Variants in PTPRK observed in about 807,000 individuals in gnomAD.
The protein encoded by PTPRK is protein tyrosine phosphatase receptor type K, also known as receptor-type tyrosine-protein phosphatase kappa.
PTPRK carries 75 observed loss-of-function variants against 178.0 expected under a neutral mutation model. That is an observed-to-expected ratio of 0.42 (90% CI 0.35 to 0.51). PTPRK has a LOEUF of 0.51. PTPRK is among the 20% of genes least tolerant of loss of function. The pLI, the probability that PTPRK is intolerant of heterozygous loss-of-function variation, is 0.02. For missense variants in PTPRK, 1,441 were observed against 1,797.8 expected (o/e 0.80, Z 3.59); for synonymous variants, 637 against 620.6 (o/e 1.03, Z -0.39).
chr6:128,330,873 CA>C lies in PTPRK; in HGVS notation c.224-8564del, dbSNP rs869100558. 1.6e-3 allele frequency among the ~76,000 whole-genome samples: 229 copies of C among 145,018 alleles called. 1 individual carries two copies. Among genetic ancestry groups the C allele is most frequent in the Non-Finnish European group, 1.5e-4 (10 of 66,522 alleles). ...TGAAAAACAAAAACAAAAACAAAAA[CA>C]AAAACAAAAACAAAACAAAACAAAA... On this transcript the variant is annotated intron_variant, in intron 2 of 29. Transcript: ENST00000368226.
intron 3 of PTPRK, among the ~76,000 whole-genome samples, chr6:128,307,559 G>A (rs75249299): frequency 0.013 from 1,904 of 151,178 alleles, 40 homozygotes; most frequent in African/African-American, 0.044. Context: ...GCCAAGACAA[G>A]CATGTATTAT....
At chr6:128,323,174 CAT>C (rs1829065740) in intron 2 of PTPRK, among the ~76,000 whole-genome samples, 1 of 152,076 alleles carries the variant, frequency 6.6e-6, no homozygotes, top group Admixed American at 6.6e-5. Flanking sequence ...TCATAGCTCA[CAT>C]ATAGACTTTC....
At chr6:128,344,208 T>G (rs1234367070) in intron 2 of PTPRK, among the ~76,000 whole-genome samples, 1 of 152,160 alleles carries the variant, frequency 6.6e-6, no homozygotes, top group East Asian at 1.9e-4. Context: ...AATGGGTAAA[T>G]GACTATATCC....
intron 13 of PTPRK, among the ~76,000 whole-genome samples, chr6:128,051,392 C>A (rs1467570109): frequency 6.6e-6 from 1 of 152,166 alleles, no homozygotes; most frequent in African/African-American, 2.4e-5. Context: ...ATGCTAAAGT[C>A]TTGCTTCTAT....
chr6:128,100,797 G>A (rs962301406), intron 7 of PTPRK, among the ~76,000 whole-genome samples: 9 of 151,866 alleles, frequency 5.9e-5, no homozygotes, highest in African/African-American at 1.9e-4. Flanking sequence ...GAACTGGCTC[G>A]AGCCAGTCTA....
chr6:128,368,405 C>G (rs1835819439), intron 2 of PTPRK, among the ~76,000 whole-genome samples: 2 of 151,516 alleles, frequency 1.3e-5, no homozygotes, highest in South Asian at 4.2e-4. Context: ...AAAAAAACGT[C>G]AAAGTGCAGA....
intron 2 of PTPRK, among the ~76,000 whole-genome samples, chr6:128,322,874 G>T (rs773747644): frequency 1.7e-4 from 26 of 151,944 alleles, no homozygotes; most frequent in Non-Finnish European, 3.5e-4. Context: ...TACTAACTTT[G>T]AACCTCAGTT....
chr6:128,429,864 GAGATATATTTGTATAATC>G (rs1490085792), intron 1 of PTPRK, among the ~76,000 whole-genome samples: 1 of 152,096 alleles, frequency 6.6e-6, no homozygotes, highest in Non-Finnish European at 1.5e-5. Context: ...CAACCATAAT[GAGATATATTTGTATAATC>G]ATCAATGCAA....
In PTPRK at chr6:128,311,260, G is replaced by T. The variant is rs542524059; in HGVS notation, c.495+10779C>A. Among the ~76,000 whole-genome samples the T allele has an allele frequency of 2.6e-5, 4 of 152,222 alleles. No homozygotes were observed. The South Asian group carries it at 8.3e-4, about 32-fold the overall frequency. ...CATAGGTCTAGTTCAGACCGATGGG[G>T]CTTGAATCGTACAGTGTGTGGATGT... On this transcript the variant is annotated intron_variant, in intron 3 of 29. Transcript: ENST00000368226.
At chr6:128,390,879 A>G (rs991562504) in intron 2 of PTPRK, among the ~76,000 whole-genome samples, 2 of 152,154 alleles carry the variant, frequency 1.3e-5, no homozygotes, top group African/African-American at 4.8e-5. Flanking sequence ...AATAGTAGTA[A>G]GTACTTTCAT....
At chr6:128,036,976 C>G (rs1338065413) in intron 13 of PTPRK, among the ~76,000 whole-genome samples, 3 of 152,158 alleles carry the variant, frequency 2.0e-5, no homozygotes, top group Admixed American at 6.5e-5. Context: ...AGGTGATTTG[C>G]CTGCCTTGGC....
chr6:128,355,838 T>C (rs897992678), intron 2 of PTPRK, among the ~76,000 whole-genome samples: 6 of 152,162 alleles, frequency 3.9e-5, no homozygotes, highest in African/African-American at 1.4e-4. Context: ...AAAGAAATTC[T>C]TTACCAAAGT....
In PTPRK at chr6:127,998,861, G is replaced by T; in HGVS notation, c.2538C>A (p.Asp846Glu). 2 of 1,597,354 alleles carry T rather than the reference G, an allele frequency of 1.3e-6. No individual in the cohort carries two copies. Among genetic ancestry groups the T allele is most frequent in the Non-Finnish European group, 1.7e-6 (2 of 1,169,642 alleles). Residue 846 changes from aspartate to glutamate, a missense_variant, in exon 16 of 30, where the codon GAC becomes GAA. This residue lies in a region of PTPRK where 945 missense variants were observed against 1,080.6 expected (regional missense o/e 0.87). Transcript: ENST00000368226. Reference sequence around the variant, plus strand: ...TCCCCTCACAGAGGTAGCGAGGTACGTCTAGAAGGCGACTGGACTCTGCTG... The same window carrying T: ...TCCCCTCACAGAGGTAGCGAGGTACTTCTAGAAGGCGACTGGACTCTGCTG... ...SATAESSRLL[D>E]VPRYLCEGTE...
intron 2 of PTPRK, among the ~76,000 whole-genome samples, chr6:128,346,510 A>G (rs1463071482): frequency 6.6e-6 from 1 of 152,162 alleles, no homozygotes. Flanking sequence ...AATATTTTAT[A>G]TATTACATGA....
intron 13 of PTPRK, chr6:128,062,739 C>G (rs1054553065): frequency 3.2e-5 from 5 of 155,176 alleles, no homozygotes; most frequent in Admixed American, 1.3e-4. Context: ...AGTACAGTGG[C>G]ACGATCATAG....
At chr6:127,978,742 G>T (rs1774906656) in intron 25 of PTPRK, among the ~76,000 whole-genome samples, 1 of 152,170 alleles carries the variant, frequency 6.6e-6, no homozygotes, top group African/African-American at 2.4e-5. Context: ...TAAGAGAGGA[G>T]AAGACTGAAG....
At chr6:128,171,330 C>T (rs528191961) in intron 7 of PTPRK, among the ~76,000 whole-genome samples, 21 of 151,970 alleles carry the variant, frequency 1.4e-4, no homozygotes, top group South Asian at 4.2e-4. Flanking sequence ...TACAAAAAAC[C>T]GACAGTGCAT....
chr6:128,002,123 T>A (rs1287020722), intron 15 of PTPRK, among the ~76,000 whole-genome samples: 1 of 151,386 alleles, frequency 6.6e-6, no homozygotes, highest in Non-Finnish European at 1.5e-5. Flanking sequence ...TCCTTTATAG[T>A]AATTATAAAA....
intron 6 of PTPRK, among the ~76,000 whole-genome samples, chr6:128,208,411 G>A (rs1480199053): frequency 5.3e-5 from 8 of 151,990 alleles, no homozygotes; most frequent in Admixed American, 5.3e-4. Context: ...AAGTAGAGAA[G>A]CCTGTAGAGA....
Sources: allele counts gnomAD v4.1 joint callset (sites outside exome capture counted in the v4.1 genomes callset), GRCh38; gene constraint gnomAD v4.1.1; regional missense constraint gnomAD v4.1.1; transcripts MANE v1.5; gene names NCBI Gene and HGNC (gene_info 2026-07-23, HGNC 2026-07-21).